Variants in RARG observed in about 807,000 individuals in gnomAD.
The protein encoded by RARG is retinoic acid receptor gamma.
A neutral mutation model predicts 43.7 loss-of-function variants in RARG; 17 were observed. The ratio of observed to expected loss-of-function variants is 0.39; its 90% CI spans 0.27 to 0.58. The LOEUF is 0.58. Among genes scored for constraint, RARG ranks in the 20% least tolerant of loss-of-function variants. RARG has a pLI of 0.57. For synonymous variants in RARG, 238 were observed against 236.4 expected, an observed-to-expected ratio of 1.01 and a Z score of -0.06; for missense variants, 346 against 598.7, an observed-to-expected ratio of 0.58 and a Z score of 4.40.
At chr12:53,212,737 TACAC>T (rs1160084920) in intron 9 of RARG, among the ~76,000 whole-genome samples, 2,469 of 133,680 alleles carry the variant, frequency 0.018, 29 homozygotes, top group Middle Eastern at 0.044. Context: ...AATATATATA[TACAC>T]ACACACACAC....
chr12:53,230,490 G>A (rs774579711), intron 2 of RARG, among the ~76,000 whole-genome samples: 14 of 152,098 alleles, frequency 9.2e-5, no homozygotes, highest in Non-Finnish European at 1.9e-4. Context: ...GAGAACCCAG[G>A]CATCCTCTGC....
At chr12:53,222,239 GA>G (rs1215389825) in intron 3 of RARG, among the ~76,000 whole-genome samples, 7 of 96,258 alleles carry the variant, frequency 7.3e-5, no homozygotes, top group African/African-American at 2.8e-4. Flanking sequence ...GAGAGAGAAA[GA>G]AAAGAAAGAG....
chr12:53,221,170 C>G (rs184985712), intron 3 of RARG, among the ~76,000 whole-genome samples: 1,688 of 151,238 alleles, frequency 0.011, 12 homozygotes, highest in Middle Eastern at 0.017. Context: ...CCCCCCGCCC[C>G]CTCCAGCGCA....
intron 3 of RARG, chr12:53,220,189 AG>A: frequency 6.6e-6 from 9 of 1,360,206 alleles, no homozygotes; most frequent in Non-Finnish European, 7.8e-6. Context: ...GCCCCGCTCC[AG>A]CAGGGGGGGA....
rs1425007159 is a variant in RARG at position 53,211,956 on chromosome 12, C to T, written c.1178-93G>A. 3.8e-6 allele frequency: 4 copies of T among 1,043,220 alleles called. No individual in the cohort carries two copies. The highest frequency in any genetic ancestry group is 5.1e-6 in the Non-Finnish European group (4 of 786,334). 64.6% of individuals were successfully genotyped at this position (1,043,220 alleles called of 1,614,324 possible). A position where few individuals can be genotyped will look rare whatever the true frequency, so the allele number is the denominator to read the frequency against. ...TAACCTTTCTCAACTGCCCCTGACT[C>T]CCCTAGGGGGCGCCCAGCACAGGCC... On this transcript the variant is annotated intron_variant, in intron 9 of 9. Transcript: ENST00000425354. This position sits in a 1 kb window ranked among gnomAD's most constrained non-coding sequence, Gnocchi z 4.6.
intron 3 of RARG, among the ~76,000 whole-genome samples, chr12:53,225,573 C>G (rs904532969): frequency 6.6e-6 from 1 of 152,232 alleles, no homozygotes; most frequent in Non-Finnish European, 1.5e-5. Context: ...ACCTCTGTCT[C>G]TGCGCTCGTG....
chr12:53,211,598 A>G lies in RARG; in HGVS notation c.*78T>C. 3 of 1,285,316 alleles carry G rather than the reference A, an allele frequency of 2.3e-6. No homozygotes were observed. The South Asian group carries it at 5.3e-5, about 23-fold the overall frequency. 79.6% of individuals were successfully genotyped at this position (1,285,316 alleles called of 1,614,324 possible). A position where few individuals can be genotyped will look rare whatever the true frequency, so the allele number is the denominator to read the frequency against. ...GAGAGGGCAGAGCAGGTCCTCCCCC[A>G]GTCACTGGCGGTCTGGGAGATGGTC... is the stretch of plus-strand genomic sequence containing the variant. On this transcript the variant is annotated 3_prime_UTR_variant, in exon 10 of 10. Coordinates refer to ENST00000425354, the MANE Select transcript of RARG (RefSeq NM_000966.6). The surrounding 1 kb of genome is among the most constrained non-coding windows in gnomAD (Gnocchi z 4.6).
intron 3 of RARG, among the ~76,000 whole-genome samples, chr12:53,224,425 T>C (rs893206600): frequency 6.6e-6 from 1 of 152,070 alleles, no homozygotes; most frequent in Non-Finnish European, 1.5e-5. Flanking sequence ...GTGTCATCCA[T>C]AGAATAAGGG....
At chr12:53,212,704 A>C (rs1298760350) in intron 9 of RARG, among the ~76,000 whole-genome samples, 1 of 151,472 alleles carries the variant, frequency 6.6e-6, no homozygotes, top group African/African-American at 2.4e-5. Context: ...AAGTAAAGCA[A>C]TTTGCCCAAG....
intron 1 of RARG, 97 bp downstream of exon 1, chr12:53,231,877 A>G (rs1256449737): frequency 1.0e-5 from 4 of 390,568 alleles, no homozygotes; most frequent in African/African-American, 2.1e-5. Context: ...TCGGGAGGGC[A>G]TTCGCCCGTG....
chr12:53,218,891 A>T (rs1271729072), intron 3 of RARG, among the ~76,000 whole-genome samples: 2 of 127,182 alleles, frequency 1.6e-5, no homozygotes, highest in East Asian at 5.4e-4. Flanking sequence ...ATCCCAGCCC[A>T]GGGTAAATTT....
chr12:53,229,948 C>T (rs1429505058), intron 2 of RARG: 1 of 976,822 alleles, frequency 1.0e-6, no homozygotes, highest in Non-Finnish European at 1.2e-6. Context: ...TGAGAGTTGT[C>T]CTTGGCCTTC....
intron 9 of RARG, among the ~76,000 whole-genome samples, chr12:53,212,822 G>A (rs1391271232): frequency 1.3e-5 from 2 of 150,992 alleles, no homozygotes; most frequent in Non-Finnish European, 2.9e-5. Flanking sequence ...TTCTGCAGTT[G>A]CAGTAGTCAC....
At position 53,214,219 on chromosome 12, in the gene RARG, T is replaced by C; in HGVS notation, c.653A>G (p.His218Arg). ...GKYTTNSSADHRVQLDLGLWD... is the reference protein window; with the variant it reads ...GKYTTNSSADRRVQLDLGLWD... ...CAGCCCCAGATCCAGCTGCACGCGG[T>C]GGTCTGCACTGGAGTTCTGCAGAGG... The change falls in exon 7 of 10, where the codon CAC becomes CGC. Residue 218 changes from histidine (H) to arginine (R), a missense_variant. Coordinates refer to ENST00000425354, the MANE Select transcript of RARG (RefSeq NM_000966.6). The C allele has an allele frequency of 6.2e-7, 1 of 1,613,200 alleles. No homozygotes were observed. Among genetic ancestry groups the C allele is most frequent in the Non-Finnish European group, 8.5e-7 (1 of 1,179,230 alleles).
intron 2 of RARG, 130 bp downstream of exon 2, chr12:53,231,039 G>C (rs1943225022): frequency 6.6e-6 from 1 of 152,278 alleles, no homozygotes; most frequent in South Asian, 2.1e-4. Context: ...CCTCAGACTT[G>C]AGGATTGGGA....
chr12:53,230,131 G>A, intron 2 of RARG: 1 of 306,650 alleles, frequency 3.3e-6, no homozygotes, highest in African/African-American at 2.3e-5. Context: ...AGAGTAAAAG[G>A]AAGTCCTAAA....
chr12:53,212,975 G>A, intron 9 of RARG, 110 bp downstream of exon 9: 2 of 1,316,730 alleles, frequency 1.5e-6, no homozygotes, highest in South Asian at 3.0e-5. Context: ...TTCCAGTGTA[G>A]ATTGCCTGGT....
At chr12:53,216,861 C>CGCGTGCGCGCGCGCGT (rs1491204312) in intron 3 of RARG, among the ~76,000 whole-genome samples, 3 of 122,928 alleles carry the variant, frequency 2.4e-5, no homozygotes, top group African/African-American at 1.1e-4. Flanking sequence ...CGCGCGCGCG[C>CGCGTGCGCGCGCGCGT]GTGTGGTTGG....
At chr12:53,220,088 T>C in intron 3 of RARG, 1 of 1,549,778 alleles carries the variant, frequency 6.5e-7, no homozygotes, top group East Asian at 2.5e-5. Flanking sequence ...AACGTTTCCA[T>C]ACAGTCGTAC....
Sources: allele counts gnomAD v4.1 joint callset (sites outside exome capture counted in the v4.1 genomes callset), GRCh38; gene constraint gnomAD v4.1.1; non-coding constraint Gnocchi (gnomAD v3.1); transcripts MANE v1.5; gene names NCBI Gene and HGNC (gene_info 2026-07-23, HGNC 2026-07-21).